RAB9A: variants seen among roughly 807,000 people sequenced by gnomAD.
RAB9A encodes RAB9A, member RAS oncogene family.
Under a neutral mutation model 10.3 loss-of-function variants are expected in RAB9A, and 1 was observed. The observed-to-expected ratio is 0.10, with a 90% CI of 0.03 to 0.46. The LOEUF (loss-of-function observed/expected upper bound fraction) is 0.46, where lower values mean the gene tolerates loss of function less well. RAB9A is among the 20% of genes least tolerant of loss of function. RAB9A has a pLI of 0.96. For missense variants in RAB9A, 92 were observed against 150.3 expected, an observed-to-expected ratio of 0.61 and a Z score of 2.03; for synonymous variants, 39 against 55.2, an observed-to-expected ratio of 0.71 and a Z score of 1.30.
In RAB9A at chrX:13,709,166, T is replaced by G. The variant is rs1450221466; in HGVS notation, c.420T>G (p.Ala140=). The G allele has an allele frequency of 8.3e-7, 1 of 1,209,906 alleles. No individual in the cohort carries two copies. The highest frequency in any genetic ancestry group is 1.1e-6 in the Non-Finnish European group (1 of 895,242). ...ERQVSTEEAQ[A]WCRDNGDYPY... Reference sequence around the variant, plus strand: ...AGGTGTCTACAGAAGAAGCCCAAGCTTGGTGCAGGGACAACGGCGACTATC... The same window carrying G: ...AGGTGTCTACAGAAGAAGCCCAAGCGTGGTGCAGGGACAACGGCGACTATC... Residue 140 remains alanine, a synonymous_variant, in exon 3 of 3, where the codon GCT becomes GCG. Coordinates refer to ENST00000464506, the MANE Select transcript of RAB9A (RefSeq NM_004251.5).
chrX:13,707,739 C>G (rs2046204027), intron 2 of RAB9A, among the ~76,000 whole-genome samples: 1 of 112,601 alleles, frequency 8.9e-6, no homozygotes, highest in South Asian at 3.7e-4. Context: ...CCAAGTGAAT[C>G]TTGTGGATAG....
intron 1 of RAB9A, among the ~76,000 whole-genome samples, chrX:13,701,552 T>A (rs909913222): frequency 9.0e-6 from 1 of 111,537 alleles, no homozygotes; most frequent in Non-Finnish European, 1.9e-5. Flanking sequence ...ATAGTACACA[T>A]CCATGTAATG....
intron 1 of RAB9A, among the ~76,000 whole-genome samples, chrX:13,700,076 G>A (rs1333166412): frequency 9.0e-6 from 1 of 111,011 alleles, no homozygotes; most frequent in Non-Finnish European, 1.9e-5. Context: ...AGCCTCCCAA[G>A]TAGCTGGAAC....
rs191329491 is a variant in RAB9A at position 13,691,563 on chromosome X, G to C, written c.-116+2275G>C. Reference sequence around the variant, plus strand: ...TAATCCCAGCTACTCAGGAGGCTGAGGCAGGAGAATCGCTTGAACCTGGGA... The same window carrying C: ...TAATCCCAGCTACTCAGGAGGCTGACGCAGGAGAATCGCTTGAACCTGGGA... On this transcript the variant is annotated intron_variant, in intron 1 of 2. Coordinates refer to ENST00000464506, the MANE Select transcript of RAB9A (RefSeq NM_004251.5). 6.1e-3 allele frequency among the ~76,000 whole-genome samples: 645 copies of C among 106,325 alleles called. 5 individuals are homozygous for C. The highest frequency in any genetic ancestry group is 0.021 in the African/African-American group (599 of 29,012). The allele number at this position is 106,325 out of a possible 115,157, so 92.3% of individuals were successfully genotyped here.
At chrX:13,704,031 C>T (rs2046186439) in intron 2 of RAB9A, 129 bp downstream of exon 2, 1 of 112,016 alleles carries the variant, frequency 8.9e-6, no homozygotes, top group African/African-American at 3.3e-5. Flanking sequence ...TTGATTTGCA[C>T]AGAAACAAGA....
In RAB9A at chrX:13,709,015, A is replaced by G. The variant is rs762524359; in HGVS notation, c.269A>G (p.Asp90Gly). The G allele has an allele frequency of 8.3e-7, 1 of 1,209,750 alleles. No homozygotes were observed. The highest frequency in any genetic ancestry group is 1.8e-5 in the African/African-American group (1 of 57,063). Residue 90 changes from aspartate (D) to glycine (G), a missense_variant, in exon 3 of 3, where the codon GAT becomes GGT. Transcript: ENST00000464506. ...TGCTGCCTGCTTACTTTTAGTGTCG[A>G]TGATTCACAAAGCTTCCAGAACTTA... The part of the protein sequence containing the change: ...SDCCLLTFSV[D>G]DSQSFQNLSN...
intron 1 of RAB9A, among the ~76,000 whole-genome samples, chrX:13,697,498 A>T (rs2046152551): frequency 8.9e-6 from 1 of 111,912 alleles, no homozygotes; most frequent in African/African-American, 3.2e-5. Flanking sequence ...AGGTAGATTT[A>T]TGCTTGGTTC....
intron 1 of RAB9A, among the ~76,000 whole-genome samples, chrX:13,702,284 C>T (rs2046177647): frequency 1.8e-5 from 2 of 111,418 alleles, no homozygotes; most frequent in African/African-American, 6.5e-5. Flanking sequence ...TTCTCTTTCT[C>T]CTGCTGAGCT....
rs5979950 is a variant in RAB9A at position 13,706,572 on chromosome X, T to G, written c.-26-2149T>G. ...CCAGCTAATTTTTTTTTTTTTTTTGTATTTTTAGTAGAGACGGGGTTTCAC... is the reference window on the plus strand; with the variant it reads ...CCAGCTAATTTTTTTTTTTTTTTTGGATTTTTAGTAGAGACGGGGTTTCAC... On this transcript the variant is annotated intron_variant, in intron 2 of 2. Coordinates refer to ENST00000464506, the MANE Select transcript of RAB9A (RefSeq NM_004251.5). Among the ~76,000 whole-genome samples the G allele has an allele frequency of 7.6e-5, 8 of 105,707 alleles. No homozygotes were observed. In the East Asian group the frequency reaches 2.4e-3, roughly 31 times the overall value. 91.8% of individuals were successfully genotyped at this position (105,707 alleles called of 115,157 possible). A position where few individuals can be genotyped will look rare whatever the true frequency, so the allele number is the denominator to read the frequency against.
At chrX:13,690,154 A>G (rs1430144545) in intron 1 of RAB9A, among the ~76,000 whole-genome samples, 1 of 111,782 alleles carries the variant, frequency 8.9e-6, no homozygotes, top group Admixed American at 9.5e-5. Context: ...GGTCTCTGGC[A>G]CCATTGTAAT....
At chrX:13,700,669 A>T (rs1194273543) in intron 1 of RAB9A, among the ~76,000 whole-genome samples, 1 of 112,100 alleles carries the variant, frequency 8.9e-6, no homozygotes, top group African/African-American at 3.2e-5. Flanking sequence ...GATGCTGCTG[A>T]AGGGACAAGG....
chrX:13,691,302 C>G (rs934062663), intron 1 of RAB9A, among the ~76,000 whole-genome samples: 2 of 111,074 alleles, frequency 1.8e-5, no homozygotes, highest in Non-Finnish European at 3.8e-5. Flanking sequence ...ATTTGGGATA[C>G]CTCATCATTT....
chrX:13,703,710 G>T (rs1326178563), intron 1 of RAB9A, 104 bp from the exon 2 acceptor site: 2 of 111,662 alleles, frequency 1.8e-5, no homozygotes, highest in African/African-American at 6.5e-5. Flanking sequence ...CCTCTAATTT[G>T]TTCTGCCTGT....
At chrX:13,706,963 C>G (rs1192242829) in intron 2 of RAB9A, among the ~76,000 whole-genome samples, 1 of 111,858 alleles carries the variant, frequency 8.9e-6, no homozygotes, top group Non-Finnish European at 1.9e-5. Flanking sequence ...TCATCCTGGT[C>G]AATATAACAA....
intron 1 of RAB9A, among the ~76,000 whole-genome samples, chrX:13,694,750 A>G (rs1429442148): frequency 8.9e-6 from 1 of 111,865 alleles, no homozygotes; most frequent in Non-Finnish European, 1.9e-5. Context: ...ATGGACTACA[A>G]GGTATAGTGG....
chrX:13,710,112 G>A lies in RAB9A; in HGVS notation c.*760G>A, dbSNP rs1465968796. 1 of 124,065 alleles carries A rather than the reference G, an allele frequency of 8.1e-6. No individual in the cohort carries two copies. The highest frequency in any genetic ancestry group is 3.6e-4 in the South Asian group (1 of 2,777). 10.2% of individuals were successfully genotyped at this position (124,065 alleles called of 1,213,427 possible). On this transcript the variant is annotated 3_prime_UTR_variant, in exon 3 of 3. Coordinates refer to ENST00000464506, the MANE Select transcript of RAB9A (RefSeq NM_004251.5). ...AGTTTTAAGAAAAAGGCTAACTACT[G>A]AACTTGGAGAACAGACAAATGTGCA...
At chrX:13,696,855 C>A (rs1235760904) in intron 1 of RAB9A, among the ~76,000 whole-genome samples, 1 of 111,633 alleles carries the variant, frequency 9.0e-6, no homozygotes, top group African/African-American at 3.3e-5. Context: ...TCAGTTTCAA[C>A]ACTTCGATAG....
intron 2 of RAB9A, among the ~76,000 whole-genome samples, chrX:13,707,876 C>T (rs772652906): frequency 2.6e-4 from 29 of 112,222 alleles, no homozygotes; most frequent in Admixed American, 2.4e-3. Flanking sequence ...TATTTCACAG[C>T]CAGGTAAGTC....
chrX:13,692,310 T>TA (rs2046129304), intron 1 of RAB9A, among the ~76,000 whole-genome samples: 1 of 111,102 alleles, frequency 9.0e-6, no homozygotes, highest in Non-Finnish European at 1.9e-5. Context: ...ACCTTGTCGC[T>TA]AAAAAAATAA....
Sources: gnomAD v4.1 joint callset for allele counts (sites outside exome capture counted in the v4.1 genomes callset) on GRCh38, gnomAD v4.1.1 for gene constraint, MANE v1.5 for transcripts, NCBI Gene and HGNC (gene_info 2026-07-23, HGNC 2026-07-21) for gene names.